Variants in KMT5A observed in about 807,000 individuals in gnomAD.
KMT5A encodes the protein lysine methyltransferase 5A, also known as N-lysine methyltransferase KMT5A.
A neutral mutation model predicts 40.6 loss-of-function variants in KMT5A; 6 were observed. The observed-to-expected ratio is 0.15, with a 90% CI of 0.08 to 0.29. The LOEUF (loss-of-function observed/expected upper bound fraction) is 0.29. Among genes scored for constraint, KMT5A ranks in the 10% least tolerant of loss-of-function variants. The pLI is 1.00. For missense variants in KMT5A, 308 were observed against 459.1 expected (o/e 0.67, Z 3.01); for synonymous variants, 153 against 178.8 (o/e 0.86, Z 1.15).
At chr12:123,388,911 A>C (rs1282103130) in intron 1 of KMT5A, 2 of 141,994 alleles carry the variant, frequency 1.4e-5, no homozygotes, top group African/African-American at 5.1e-5. Context: ...CGCCCCTACC[A>C]GCCCCCTCCC....
intron 3 of KMT5A, among the ~76,000 whole-genome samples, chr12:123,391,854 C>G (rs1040089946): frequency 6.6e-6 from 1 of 152,214 alleles, no homozygotes. Flanking sequence ...CCTCTGGGGC[C>G]GGATCTGAGA....
intron 6 of KMT5A, among the ~76,000 whole-genome samples, chr12:123,404,071 T>G (rs1878365657): frequency 6.6e-6 from 1 of 152,210 alleles, no homozygotes; most frequent in Non-Finnish European, 1.5e-5. Flanking sequence ...GTTGCTCTTC[T>G]GGGCACTTCA....
chr12:123,385,973 T>G (rs1876850938), intron 1 of KMT5A, among the ~76,000 whole-genome samples: 1 of 152,122 alleles, frequency 6.6e-6, no homozygotes, highest in Non-Finnish European at 1.5e-5. Context: ...AAGCGTGAAG[T>G]CCAAACTTGC....
chr12:123,405,801 T>C (rs569820200), intron 7 of KMT5A, among the ~76,000 whole-genome samples: 126 of 151,464 alleles, frequency 8.3e-4, no homozygotes, highest in Non-Finnish European at 1.5e-3. Context: ...TGTGAGCCAC[T>C]GCGCCTGGCC....
intron 5 of KMT5A, among the ~76,000 whole-genome samples, chr12:123,398,694 G>T (rs1283829946): frequency 6.6e-6 from 1 of 152,214 alleles, no homozygotes; most frequent in Non-Finnish European, 1.5e-5. Flanking sequence ...GGGCAGGGAG[G>T]CCATAGCTGG....
Position 123,390,648 on chromosome 12 carries a change from C to A in KMT5A, c.151C>A (p.Gln51Lys). The change falls in exon 3 of 8, where the codon CAG becomes AAG. Residue 51 changes from glutamine to lysine, a missense_variant. This residue lies in a region of KMT5A where 92 missense variants were observed against 78.3 expected (regional missense o/e 1.18). Coordinates refer to ENST00000402868, the MANE Select transcript of KMT5A (RefSeq NM_020382.7). ...RTDGENVFTG[Q>K]SKIYSYMSPN... Reference sequence around the variant, plus strand: ...TTTTTAGGAGAACGTATTTACCGGGCAGTCAAAGATCTATTCCTACATGAG... The same window carrying A: ...TTTTTAGGAGAACGTATTTACCGGGAAGTCAAAGATCTATTCCTACATGAG... 1 of 1,613,790 alleles carries A rather than the reference C, an allele frequency of 6.2e-7. No individual in the cohort carries two copies. The highest frequency in any genetic ancestry group is 8.5e-7 in the Non-Finnish European group (1 of 1,179,804).
At chr12:123,390,115 C>T (rs1422649332) in intron 2 of KMT5A, 1 of 468,578 alleles carries the variant, frequency 2.1e-6, no homozygotes. Flanking sequence ...CCCGTCGCAG[C>T]CCTGGAGGCT....
chr12:123,389,524 G>A lies in KMT5A; in HGVS notation c.102G>A (p.Arg34=). ...CCCCGGGCCCGGAGATGGTGGAGCGGAGGGGCCCGGGGAGGCCCCGCACCG... is the reference window on the plus strand; with the variant it reads ...CCCCGGGCCCGGAGATGGTGGAGCGAAGGGGCCCGGGGAGGCCCCGCACCG... The part of the protein sequence containing the change: ...ATAPGPEMVE[R]RGPGRPRTDG... Residue 34 remains arginine (R), a synonymous_variant, in exon 2 of 8, where the codon CGG becomes CGA. Transcript: ENST00000402868. 3 of 1,115,618 alleles carry A rather than the reference G, an allele frequency of 2.7e-6. No homozygotes were observed. The highest frequency in any genetic ancestry group is 3.3e-6 in the Non-Finnish European group (3 of 918,044). 69.1% of individuals were successfully genotyped at this position (1,115,618 alleles called of 1,614,324 possible).
At chr12:123,387,105 C>T (rs1452222853) in intron 1 of KMT5A, among the ~76,000 whole-genome samples, 2 of 152,216 alleles carry the variant, frequency 1.3e-5, no homozygotes, top group African/African-American at 2.4e-5. Context: ...GATTTGCCCT[C>T]CTCTGCCTCC....
intron 7 of KMT5A, among the ~76,000 whole-genome samples, chr12:123,407,190 T>G (rs1312623380): frequency 6.6e-6 from 1 of 151,312 alleles, no homozygotes; most frequent in African/African-American, 2.4e-5. Context: ...CAATTAAAAA[T>G]TAGCCTGATG....
chr12:123,384,139 T>C lies in KMT5A; in HGVS notation c.-60T>C. The C allele has an allele frequency of 6.2e-7, 1 of 1,607,610 alleles. No homozygotes were observed. On this transcript the variant is annotated 5_prime_UTR_variant, in exon 1 of 8. Coordinates refer to ENST00000402868, the MANE Select transcript of KMT5A (RefSeq NM_020382.7). This position sits in a 1 kb window ranked among gnomAD's most constrained non-coding sequence, Gnocchi z 5.7. The stretch of plus-strand genomic sequence containing the variant: ...CCGGCGGAGCAGTTGGCTGAGTTGT[T>C]GCAACTTTTTTCGAAAGCTGGGTTT...
Position 123,395,014 on chromosome 12 carries a change from A to G in KMT5A, c.290-33A>G, listed in dbSNP as rs776208627. The G allele has an allele frequency of 4.6e-6, 7 of 1,523,878 alleles. No individual in the cohort carries two copies. In the African/African-American group the frequency reaches 6.9e-5, roughly 15 times the overall value. The allele number at this position is 1,523,878 out of a possible 1,614,324, so 94.4% of individuals were successfully genotyped here. ...TCTGGAAATTGAGAGACAGTACAGA[A>G]TAAACCCGTCTTTCCCCCACCTCCG... On this transcript the variant is annotated intron_variant, in intron 3 of 7. Coordinates refer to ENST00000402868, the MANE Select transcript of KMT5A (RefSeq NM_020382.7).
chr12:123,405,286 GCTCAAAGAATTCTCCTCCCTCAGC>G (rs1374789554), intron 7 of KMT5A, among the ~76,000 whole-genome samples: 1 of 150,122 alleles, frequency 6.7e-6, no homozygotes, highest in African/African-American at 2.5e-5. Context: ...CTCCTCTCAG[GCTCAAAGAATTCTCCTCCCTCAGC>G]CTCCAGAGTA....
chr12:123,392,526 T>G (rs1179108054), intron 3 of KMT5A, among the ~76,000 whole-genome samples: 1 of 152,032 alleles, frequency 6.6e-6, no homozygotes, highest in Non-Finnish European at 1.5e-5. Context: ...TAGCCTGGCA[T>G]GGTGGCATGC....
Position 123,384,244 on chromosome 12 carries a change from G to A in KMT5A, c.10+36G>A, listed in dbSNP as rs1876729239. 3 of 1,610,732 alleles carry A rather than the reference G, an allele frequency of 1.9e-6. No individual in the cohort carries two copies. The highest frequency in any genetic ancestry group is 2.7e-5 in the African/African-American group (2 of 74,890). On this transcript the variant is annotated intron_variant, in intron 1 of 7. Coordinates refer to ENST00000402868, the MANE Select transcript of KMT5A (RefSeq NM_020382.7). This position sits in a 1 kb window ranked among gnomAD's most constrained non-coding sequence, Gnocchi z 5.7. ...AAGTGGCCGGCACCGGAGCGGCTGG[G>A]TCGGGGGTCGTGCTGGAGGGGTTGC...
intron 6 of KMT5A, 87 bp from the exon 7 acceptor site, chr12:123,404,797 G>T: frequency 7.5e-7 from 1 of 1,334,406 alleles, no homozygotes; most frequent in Non-Finnish European, 1.0e-6. Flanking sequence ...TTAAAGACTG[G>T]GGTAAGCCCC....
In KMT5A at chr12:123,401,489, C is replaced by T. The variant is rs1878174879; in HGVS notation, c.598-2084C>T. Among the ~76,000 whole-genome samples, 2 of 151,588 alleles carry T rather than the reference C, an allele frequency of 1.3e-5. 1 individual carries two copies. Among genetic ancestry groups the T allele is most frequent in the African/African-American group, 4.9e-5 (2 of 41,176 alleles). On this transcript the variant is annotated intron_variant, in intron 5 of 7. Transcript: ENST00000402868. Reference sequence around the variant, plus strand: ...TATCTTTCATATCTTTTAAGTGGAACATTTTAGTCCATTTATGTTTAAGGT... The same window carrying T: ...TATCTTTCATATCTTTTAAGTGGAATATTTTAGTCCATTTATGTTTAAGGT...
intron 1 of KMT5A, among the ~76,000 whole-genome samples, chr12:123,386,176 C>T (rs535490606): frequency 6.6e-6 from 1 of 151,744 alleles, no homozygotes; most frequent in African/African-American, 2.4e-5. Context: ...CTTTACTGCC[C>T]TTGCAAGCTA....
chr12:123,406,130 TA>T (rs1205201698), intron 7 of KMT5A, among the ~76,000 whole-genome samples: 1 of 152,108 alleles, frequency 6.6e-6, no homozygotes, highest in East Asian at 1.9e-4. Flanking sequence ...TTCCCATTTT[TA>T]ATCTTTGGAA....
Sources: allele counts gnomAD v4.1 joint callset (sites outside exome capture counted in the v4.1 genomes callset), GRCh38; gene constraint gnomAD v4.1.1; regional missense constraint gnomAD v4.1.1; non-coding constraint Gnocchi (gnomAD v3.1); transcripts MANE v1.5; gene names NCBI Gene and HGNC (gene_info 2026-07-23, HGNC 2026-07-21).